The following PTPRG variants were observed in gnomAD, a reference collection of about 807,000 sequenced individuals.
PTPRG encodes protein tyrosine phosphatase receptor type G, also known as receptor-type tyrosine-protein phosphatase gamma.
In PTPRG, 102 loss-of-function variants were observed where a neutral mutation model predicts 165.3. That is an observed-to-expected ratio of 0.62 (90% CI 0.53 to 0.73). PTPRG has a LOEUF of 0.73. PTPRG is among the 30% of genes least tolerant of loss of function. The probability of loss-of-function intolerance (pLI) is 0.00; values close to 1 mark genes in which losing one functional copy is unlikely to be tolerated. For synonymous variants in PTPRG, 675 were observed against 669.5 expected (o/e 1.01, Z -0.13); for missense variants, 1,866 against 1,861.4 (o/e 1.00, Z -0.05).
chr3:61,577,319 G>C (rs1700192244), intron 1 of PTPRG, among the ~76,000 whole-genome samples: 1 of 152,128 alleles, frequency 6.6e-6, no homozygotes, highest in African/African-American at 2.4e-5. Context: ...CTGTATATGA[G>C]TTTTTCCACC....
intron 2 of PTPRG, among the ~76,000 whole-genome samples, chr3:61,819,496 T>C (rs1024460716): frequency 1.3e-5 from 2 of 152,180 alleles, no homozygotes; most frequent in African/African-American, 4.8e-5. Context: ...TGAATAAATT[T>C]GTGTATCTAG....
At chr3:62,067,523 A>C (rs986885427) in intron 4 of PTPRG, among the ~76,000 whole-genome samples, 1 of 152,056 alleles carries the variant, frequency 6.6e-6, no homozygotes, top group Non-Finnish European at 1.5e-5. Context: ...TTATTATTAC[A>C]TTGTAATATA....
chr3:61,621,071 GTGTGTGTA>G (rs1559527536), intron 1 of PTPRG, among the ~76,000 whole-genome samples: 1 of 144,874 alleles, frequency 6.9e-6, no homozygotes, highest in African/African-American at 2.6e-5. Context: ...GTGTGTGTGT[GTGTGTGTA>G]TATTTATTTA....
chr3:62,055,814 A>G (rs923266612), intron 4 of PTPRG, among the ~76,000 whole-genome samples: 3 of 152,092 alleles, frequency 2.0e-5, no homozygotes, highest in Non-Finnish European at 2.9e-5. Flanking sequence ...ACATTTCCCT[A>G]ATTTTTAAAG....
At chr3:62,176,589 T>C (rs1705433294) in intron 8 of PTPRG, among the ~76,000 whole-genome samples, 1 of 152,144 alleles carries the variant, frequency 6.6e-6, no homozygotes, top group South Asian at 2.1e-4. Flanking sequence ...CTTACCTTCC[T>C]AAAAGTCATC....
intron 2 of PTPRG, among the ~76,000 whole-genome samples, chr3:61,868,886 TGAC>T (rs1374460428): frequency 6.6e-6 from 1 of 151,820 alleles, no homozygotes; most frequent in Non-Finnish European, 1.5e-5. Flanking sequence ...TCTGATTTGA[TGAC>T]TTGTTCAGAA....
intron 5 of PTPRG, among the ~76,000 whole-genome samples, chr3:62,112,688 T>C (rs1352060474): frequency 6.6e-6 from 1 of 152,232 alleles, no homozygotes; most frequent in Non-Finnish European, 1.5e-5. Flanking sequence ...CAGTCATTTT[T>C]GCTAAGTTTT....
intron 24 of PTPRG, chr3:62,276,769 G>GGA (rs1702244984): frequency 1.8e-6 from 1 of 550,796 alleles, no homozygotes; most frequent in Non-Finnish European, 3.2e-6. Context: ...TACAATGCCT[G>GGA]TGTCCTTCTG....
intron 1 of PTPRG, among the ~76,000 whole-genome samples, chr3:61,681,140 A>G (rs935212841): frequency 2.0e-5 from 3 of 151,848 alleles, no homozygotes; most frequent in East Asian, 1.9e-4. Context: ...GAAATAGGCA[A>G]TTTAAGGTCC....
In PTPRG at chr3:61,680,033, TC is replaced by T. The variant is rs546297649; in HGVS notation, c.86-68843del. Among the ~76,000 whole-genome samples the T allele has an allele frequency of 9.9e-5, 15 of 152,254 alleles. No individual in the cohort carries two copies. In the East Asian group the frequency reaches 2.5e-3, roughly 26 times the overall value. On this transcript the variant is annotated intron_variant, in intron 1 of 29. Coordinates refer to ENST00000474889, the MANE Select transcript of PTPRG (RefSeq NM_002841.4). ...AATTTACTAATTAGACATTAAAACT[TC>T]CTATTCTCTCAATCCCAAAGCAAAA...
At chr3:61,734,548 G>A (rs1057188849) in intron 1 of PTPRG, among the ~76,000 whole-genome samples, 1 of 152,122 alleles carries the variant, frequency 6.6e-6, no homozygotes, top group Non-Finnish European at 1.5e-5. Context: ...CTTTGGCTTT[G>A]GCACCCGGTT....
intron 1 of PTPRG, among the ~76,000 whole-genome samples, chr3:61,626,141 A>G (rs1013698183): frequency 1.3e-5 from 2 of 152,148 alleles, no homozygotes; most frequent in Non-Finnish European, 2.9e-5. Context: ...TTCAAGTGTA[A>G]GGTAAAATTG....
intron 1 of PTPRG, among the ~76,000 whole-genome samples, chr3:61,562,591 G>A (rs1405404119): frequency 6.6e-6 from 1 of 152,088 alleles, no homozygotes; most frequent in African/African-American, 2.4e-5. Context: ...GGGGCTGGCC[G>A]GGGAGGGGGC....
intron 4 of PTPRG, among the ~76,000 whole-genome samples, chr3:62,064,670 G>A (rs1700946620): frequency 6.7e-6 from 1 of 149,274 alleles, no homozygotes. Context: ...AATAAAACAG[G>A]AAATCATTAG....
intron 1 of PTPRG, among the ~76,000 whole-genome samples, chr3:61,574,824 A>T (rs546134258): frequency 6.6e-6 from 1 of 152,286 alleles, no homozygotes; most frequent in South Asian, 2.1e-4. Flanking sequence ...GGACATGTGC[A>T]AAGAGAGGCA....
At position 61,985,055 on chromosome 3, in the gene PTPRG, A is replaced by G. The variant is rs557048530; in HGVS notation, c.191-4570A>G. ...GGTCTCACTGGGGATGTTAACCTTC[A>G]TCATTTGACTAAGGTGACTTTTGCT... On this transcript the variant is annotated intron_variant, in intron 2 of 29. Transcript: ENST00000474889. Among the ~76,000 whole-genome samples the G allele has an allele frequency of 5.9e-5, 9 of 152,322 alleles. No individual in the cohort carries two copies. The East Asian group carries it at 1.2e-3, about 20-fold the overall frequency.
At position 62,176,976 on chromosome 3, in the gene PTPRG, T is replaced by C. The variant is rs376161547; in HGVS notation, c.1033+8813T>C. On this transcript the variant is annotated intron_variant, in intron 8 of 29. Coordinates refer to ENST00000474889, the MANE Select transcript of PTPRG (RefSeq NM_002841.4). ...TATTTCCTTGCCTCTAAAATAGAGA[T>C]AATAAGGCAGAGCCCAGTGGCTCAC... Among the ~76,000 whole-genome samples, 7 of 152,146 alleles carry C rather than the reference T, an allele frequency of 4.6e-5. No homozygotes were observed. In the East Asian group the frequency reaches 1.4e-3, roughly 29 times the overall value.
In PTPRG at chr3:62,269,078, A is replaced by C; in HGVS notation, c.2918A>C (p.Tyr973Ser). The C allele has an allele frequency of 6.2e-7, 1 of 1,606,934 alleles. No individual in the cohort carries two copies. Among genetic ancestry groups the C allele is most frequent in the South Asian group, 1.1e-5 (1 of 90,258 alleles). ...TGGCCAACAGAGAACAGTGAGGAAT[A>C]TGGAAACATTATTGTCACGCTGAAG... ...QYWPTENSEE[Y>S]GNIIVTLKST... Residue 973 changes from tyrosine to serine, a missense_variant, in exon 20 of 30, where the codon TAT becomes TCT. Physicochemically the swap from Tyr to Ser is moderately radical, Grantham distance 144 (BLOSUM62 -2). Coordinates refer to ENST00000474889, the MANE Select transcript of PTPRG (RefSeq NM_002841.4).
chr3:61,925,793 A>G, intron 2 of PTPRG: 4 of 441,812 alleles, frequency 9.1e-6, no homozygotes, highest in Non-Finnish European at 1.8e-5. Flanking sequence ...CTGCCAACCT[A>G]TACGCCAGTG....
Sources: gnomAD v4.1 joint callset for allele counts (sites outside exome capture counted in the v4.1 genomes callset) on GRCh38, gnomAD v4.1.1 for gene constraint, MANE v1.5 for transcripts, NCBI Gene and HGNC (gene_info 2026-07-23, HGNC 2026-07-21) for gene names.